GAB2: variants seen among roughly 807,000 people sequenced by gnomAD.
GAB2 encodes GRB2-associated-binding protein 2.
GAB2 carries 26 observed loss-of-function variants against 65.5 expected under a neutral mutation model. The ratio of observed to expected loss-of-function variants is 0.40; its 90% CI spans 0.29 to 0.55. GAB2 has a LOEUF of 0.55. Ranked by LOEUF, GAB2 falls within the 20% of genes least tolerant of loss-of-function variation. The pLI, the probability that GAB2 is intolerant of heterozygous loss-of-function variation, is 0.53. For missense variants in GAB2, 884 were observed against 875.8 expected (o/e 1.01, Z -0.12); for synonymous variants, 321 against 329.6 (o/e 0.97, Z 0.28).
chr11:78,395,635 AGAG>A (rs1485837460), intron 1 of GAB2, among the ~76,000 whole-genome samples: 2 of 152,216 alleles, frequency 1.3e-5, no homozygotes, highest in African/African-American at 2.4e-5. Context: ...TCTGTCCTTG[AGAG>A]GAGAAGGGAG....
intron 2 of GAB2, among the ~76,000 whole-genome samples, chr11:78,272,481 A>G (rs903541168): frequency 6.6e-6 from 1 of 152,164 alleles, no homozygotes; most frequent in African/African-American, 2.4e-5. Context: ...CCTGCCCTAG[A>G]GATTTGTGGA....
At position 78,219,144 on chromosome 11, in the gene GAB2, G is replaced by A; in HGVS notation, c.*128C>T. On this transcript the variant is annotated 3_prime_UTR_variant, in exon 10 of 10. Transcript: ENST00000361507. Reference sequence around the variant, plus strand: ...GGGTTCAGGGTCCCTGATGTCAAGTGCTTTGAAGGCTGAGACTGGCAGAGT... The same window carrying A: ...GGGTTCAGGGTCCCTGATGTCAAGTACTTTGAAGGCTGAGACTGGCAGAGT... 1 of 879,540 alleles carries A rather than the reference G, an allele frequency of 1.1e-6. No homozygotes were observed. Among genetic ancestry groups the A allele is most frequent in the Non-Finnish European group, 1.8e-6 (1 of 569,372 alleles). The allele number at this position is 879,540 out of a possible 1,614,324, so 54.5% of individuals were successfully genotyped here.
intron 1 of GAB2, among the ~76,000 whole-genome samples, chr11:78,312,836 CT>C (rs1488679017): frequency 2.6e-5 from 4 of 152,082 alleles, no homozygotes; most frequent in African/African-American, 7.2e-5. Context: ...TGACTCTGTC[CT>C]CTGGGCTCTT....
At chr11:78,393,463 C>G (rs1856858830) in intron 1 of GAB2, among the ~76,000 whole-genome samples, 1 of 152,280 alleles carries the variant, frequency 6.6e-6, no homozygotes, top group Middle Eastern at 3.4e-3. Context: ...ATCAAAACAA[C>G]TATTTTTTCA....
intron 1 of GAB2, among the ~76,000 whole-genome samples, chr11:78,323,643 G>A (rs539454359): frequency 4.2e-4 from 64 of 152,026 alleles, no homozygotes; most frequent in African/African-American, 1.5e-3. Flanking sequence ...CAAAAAGGTC[G>A]GGGGAGGGAG....
At chr11:78,398,384 G>T (rs998227235) in intron 1 of GAB2, among the ~76,000 whole-genome samples, 2 of 152,104 alleles carry the variant, frequency 1.3e-5, no homozygotes, top group African/African-American at 4.8e-5. Flanking sequence ...TTTAACTGGG[G>T]GAATGTGCAC....
intron 2 of GAB2, among the ~76,000 whole-genome samples, chr11:78,257,239 G>A (rs960754115): frequency 2.0e-5 from 3 of 152,218 alleles, no homozygotes; most frequent in African/African-American, 4.8e-5. Flanking sequence ...GTGGTTGGCG[G>A]GAGTTTCTGG....
At chr11:78,231,905 G>A (rs1590950406) in intron 3 of GAB2, 2 of 152,296 alleles carry the variant, frequency 1.3e-5, no homozygotes, top group Admixed American at 1.3e-4. Flanking sequence ...AACTGTCACT[G>A]GCCATGTTTA....
At chr11:78,332,384 G>A (rs1359453088) in intron 1 of GAB2, among the ~76,000 whole-genome samples, 1 of 152,136 alleles carries the variant, frequency 6.6e-6, no homozygotes. Context: ...GCCTGGGGGA[G>A]AAGCTTATAG....
chr11:78,292,746 T>C (rs962887779), intron 1 of GAB2, among the ~76,000 whole-genome samples: 2 of 152,238 alleles, frequency 1.3e-5, no homozygotes, highest in Non-Finnish European at 2.9e-5. Context: ...CTAGCAATCC[T>C]TCGACTACTC....
intron 2 of GAB2, among the ~76,000 whole-genome samples, chr11:78,256,725 T>A (rs560390509): frequency 1.3e-4 from 20 of 152,318 alleles, no homozygotes; most frequent in African/African-American, 4.8e-4. Flanking sequence ...AGATAAGGGT[T>A]TGGAAGCAAA....
At chr11:78,263,784 T>C (rs1024464847) in intron 2 of GAB2, among the ~76,000 whole-genome samples, 3 of 152,190 alleles carry the variant, frequency 2.0e-5, no homozygotes, top group Non-Finnish European at 4.4e-5. Context: ...CGGGATCATT[T>C]AGTTTAATAT....
intron 1 of GAB2, among the ~76,000 whole-genome samples, chr11:78,301,970 G>A (rs1435460675): frequency 6.6e-6 from 1 of 152,162 alleles, no homozygotes; most frequent in African/African-American, 2.4e-5. Context: ...ACAGTGCTGG[G>A]ATAACTGGCA....
intron 1 of GAB2, among the ~76,000 whole-genome samples, chr11:78,398,073 G>A (rs1856924640): frequency 7.0e-6 from 1 of 142,978 alleles, no homozygotes; most frequent in South Asian, 2.1e-4. Flanking sequence ...TTTTCCTCTA[G>A]GAAATTATAT....
At chr11:78,373,958 T>C (rs1182020216) in intron 1 of GAB2, among the ~76,000 whole-genome samples, 1 of 152,188 alleles carries the variant, frequency 6.6e-6, no homozygotes, top group East Asian at 1.9e-4. Flanking sequence ...GTTAAAGGAA[T>C]TAGTTCTGCT....
chr11:78,320,791 A>C (rs192846707), intron 1 of GAB2, among the ~76,000 whole-genome samples: 1 of 149,080 alleles, frequency 6.7e-6, no homozygotes, highest in East Asian at 2.0e-4. Flanking sequence ...GATCTATCTC[A>C]AACTCCTGGG....
chr11:78,305,679 T>C (rs2134633797), intron 1 of GAB2, among the ~76,000 whole-genome samples: 1 of 152,350 alleles, frequency 6.6e-6, no homozygotes, highest in South Asian at 2.1e-4. Context: ...TGCCTGTGCC[T>C]GAGTGGAAAA....
chr11:78,221,927 G>C (rs1864446152), intron 7 of GAB2, 148 bp from the exon 8 acceptor site: 2 of 682,148 alleles, frequency 2.9e-6, no homozygotes, highest in Non-Finnish European at 5.3e-6. Context: ...TATAGGGCAG[G>C]TATAATTATT....
chr11:78,302,137 A>G (rs1028152601), intron 1 of GAB2, among the ~76,000 whole-genome samples: 20 of 152,258 alleles, frequency 1.3e-4, no homozygotes, highest in African/African-American at 9.6e-5. Flanking sequence ...TTAGGAAAAG[A>G]TTTCATGACC....
Sources: gnomAD v4.1 joint callset for allele counts (sites outside exome capture counted in the v4.1 genomes callset) on GRCh38, gnomAD v4.1.1 for gene constraint, MANE v1.5 for transcripts, NCBI Gene and HGNC (gene_info 2026-07-23, HGNC 2026-07-21) for gene names.